ADGRB3: variants seen among roughly 807,000 people sequenced by gnomAD.
The protein encoded by ADGRB3 is brain-specific angiogenesis inhibitor 3.
Under a neutral mutation model 193.4 loss-of-function variants are expected in ADGRB3, and 37 were observed. The ratio of observed to expected loss-of-function variants is 0.19; its 90% CI spans 0.15 to 0.25. ADGRB3 has a LOEUF of 0.25. ADGRB3 is among the 10% of genes least tolerant of loss of function. The pLI, the probability that ADGRB3 is intolerant of heterozygous loss-of-function variation, is 1.00. For synonymous variants in ADGRB3, 690 were observed against 644.2 expected, an observed-to-expected ratio of 1.07 and a Z score of -1.08; for missense variants, 1,637 against 1,852.9, an observed-to-expected ratio of 0.88 and a Z score of 2.14.
intron 17 of ADGRB3, among the ~76,000 whole-genome samples, chr6:69,179,296 G>T (rs1047604018): frequency 1.3e-5 from 2 of 151,968 alleles, no homozygotes; most frequent in Non-Finnish European, 2.9e-5. Context: ...GCTTTCAATT[G>T]CATTTTGAAA....
intron 17 of ADGRB3, among the ~76,000 whole-genome samples, chr6:69,180,897 C>T (rs1775562890): frequency 1.3e-5 from 2 of 152,290 alleles, no homozygotes; most frequent in South Asian, 2.1e-4. Flanking sequence ...AAAATGGCGT[C>T]CTGCTCTTGC....
chr6:69,191,756 C>T (rs1296276482), intron 17 of ADGRB3, among the ~76,000 whole-genome samples: 1 of 152,060 alleles, frequency 6.6e-6, no homozygotes, highest in African/African-American at 2.4e-5. Context: ...AAGACAGAGC[C>T]TTGTCTGAGA....
intron 20 of ADGRB3, among the ~76,000 whole-genome samples, chr6:69,317,810 T>C (rs1768350591): frequency 6.6e-6 from 1 of 151,354 alleles, no homozygotes. Context: ...TTTAGTGTGG[T>C]TTGGGAGGTA....
chr6:68,979,266 G>C (rs1361705987), intron 10 of ADGRB3, among the ~76,000 whole-genome samples: 1 of 151,320 alleles, frequency 6.6e-6, no homozygotes, highest in Non-Finnish European at 1.5e-5. Context: ...CTGAGAAGGT[G>C]ATACACCAGA....
chr6:68,999,431 A>T (rs1769499462), intron 11 of ADGRB3, among the ~76,000 whole-genome samples: 1 of 151,736 alleles, frequency 6.6e-6, no homozygotes, highest in African/African-American at 2.4e-5. Flanking sequence ...CGCCCCGCTA[A>T]TTTTTTGTAT....
Position 68,847,558 on chromosome 6 carries a change from G to T in ADGRB3, c.758-83001G>T, listed in dbSNP as rs138940165. Among the ~76,000 whole-genome samples the T allele has an allele frequency of 5.7e-3, 873 of 152,184 alleles. 2 individuals carry two copies. Among genetic ancestry groups the T allele is most frequent in the Admixed American group, 9.5e-3 (146 of 15,292 alleles). Reference sequence around the variant, plus strand: ...TCACAAGATCTAATGGGTTTATCAGGGGTTTCCACTTTTGCTTCTTCCTCT... The same window carrying T: ...TCACAAGATCTAATGGGTTTATCAGTGGTTTCCACTTTTGCTTCTTCCTCT... On this transcript the variant is annotated intron_variant, in intron 3 of 31. Coordinates refer to ENST00000370598, the MANE Select transcript of ADGRB3 (RefSeq NM_001704.3).
At chr6:68,676,993 G>C (rs1229306234) in intron 3 of ADGRB3, among the ~76,000 whole-genome samples, 5 of 152,116 alleles carry the variant, frequency 3.3e-5, no homozygotes, top group African/African-American at 4.8e-5. Flanking sequence ...TCAGAATATT[G>C]TTTATTCAAT....
intron 3 of ADGRB3, among the ~76,000 whole-genome samples, chr6:68,829,903 A>G (rs1175237353): frequency 6.6e-6 from 1 of 152,196 alleles, no homozygotes; most frequent in Non-Finnish European, 1.5e-5. Flanking sequence ...ATAATCTCAT[A>G]TAAGATAGAA....
intron 11 of ADGRB3, among the ~76,000 whole-genome samples, chr6:69,010,624 T>G (rs1769903032): frequency 6.6e-6 from 1 of 151,892 alleles, no homozygotes. Context: ...AAAGCATAGG[T>G]GGGCAACATC....
At chr6:68,674,867 T>C (rs188004412) in intron 3 of ADGRB3, among the ~76,000 whole-genome samples, 1 of 152,180 alleles carries the variant, frequency 6.6e-6, no homozygotes, top group Non-Finnish European at 1.5e-5. Context: ...AAATCGTATG[T>C]TTTTCTAAAA....
At chr6:68,844,307 G>A (rs1438778205) in intron 3 of ADGRB3, among the ~76,000 whole-genome samples, 1 of 151,846 alleles carries the variant, frequency 6.6e-6, no homozygotes, top group African/African-American at 2.4e-5. Context: ...AGAAAAAAGA[G>A]CTCAAACAAC....
At chr6:68,876,199 T>C (rs1765589863) in intron 3 of ADGRB3, among the ~76,000 whole-genome samples, 1 of 152,114 alleles carries the variant, frequency 6.6e-6, no homozygotes, top group Admixed American at 6.6e-5. Context: ...ATATACAAGA[T>C]GACTTACAGG....
chr6:68,783,900 C>T (rs1324655245), intron 3 of ADGRB3, among the ~76,000 whole-genome samples: 1 of 151,952 alleles, frequency 6.6e-6, no homozygotes, highest in East Asian at 1.9e-4. Flanking sequence ...TTAAATGTTA[C>T]CTTCGTGTAG....
chr6:68,741,381 T>A (rs565042112), intron 3 of ADGRB3, among the ~76,000 whole-genome samples: 30 of 152,250 alleles, frequency 2.0e-4, no homozygotes, highest in Admixed American at 3.9e-4. Context: ...AAATTTTTTT[T>A]AATATTTTAT....
intron 17 of ADGRB3, among the ~76,000 whole-genome samples, chr6:69,195,048 C>G (rs116646511): frequency 2.2e-3 from 339 of 152,074 alleles, no homozygotes; most frequent in African/African-American, 7.7e-3. Context: ...CTATTTATGT[C>G]CAGTGGTAGA....
At chr6:69,236,631 A>T (rs1265063621) in intron 19 of ADGRB3, among the ~76,000 whole-genome samples, 1 of 152,030 alleles carries the variant, frequency 6.6e-6, no homozygotes, top group Admixed American at 6.6e-5. Flanking sequence ...TCACTGAAGT[A>T]TTTAAAACTA....
At chr6:68,881,390 G>A (rs1765725238) in intron 3 of ADGRB3, among the ~76,000 whole-genome samples, 1 of 151,970 alleles carries the variant, frequency 6.6e-6, no homozygotes, top group Non-Finnish European at 1.5e-5. Flanking sequence ...TTAGTACAAT[G>A]CTGGCATGTA....
chr6:69,386,850 C>T (rs571404080), intron 31 of ADGRB3, among the ~76,000 whole-genome samples: 36 of 152,202 alleles, frequency 2.4e-4, no homozygotes, highest in African/African-American at 8.4e-4. Flanking sequence ...TCTCTCTATC[C>T]TTCTCTGAAT....
At chr6:68,792,999 C>T (rs1405433018) in intron 3 of ADGRB3, among the ~76,000 whole-genome samples, 3 of 152,076 alleles carry the variant, frequency 2.0e-5, no homozygotes, top group Admixed American at 2.0e-4. Context: ...GTTTTTTCGG[C>T]ACTTCCTGTC....
Sources: gnomAD v4.1 joint callset for allele counts (sites outside exome capture counted in the v4.1 genomes callset) on GRCh38, gnomAD v4.1.1 for gene constraint, MANE v1.5 for transcripts, NCBI Gene and HGNC (gene_info 2026-07-23, HGNC 2026-07-21) for gene names.